The following ZNF385D variants were observed in gnomAD, a reference collection of about 807,000 sequenced individuals.
The protein encoded by ZNF385D is zinc finger protein 659.
In ZNF385D, 15 loss-of-function variants were observed where a neutral mutation model predicts 35.8. The observed-to-expected ratio is 0.42, with a 90% CI of 0.28 to 0.64. ZNF385D has a LOEUF of 0.64. Ranked by LOEUF, ZNF385D falls within the 30% of genes least tolerant of loss-of-function variation. ZNF385D has a pLI of 0.23. For missense variants in ZNF385D, 474 were observed against 494.6 expected, an observed-to-expected ratio of 0.96 and a Z score of 0.39; for synonymous variants, 212 against 186.8, an observed-to-expected ratio of 1.13 and a Z score of -1.10.
At chr3:21,551,979 T>C (rs1374880448) in intron 3 of ZNF385D, among the ~76,000 whole-genome samples, 1 of 152,142 alleles carries the variant, frequency 6.6e-6, no homozygotes, top group Non-Finnish European at 1.5e-5. Context: ...TGAAAAGAAC[T>C]ACAAACTATT....
intron 2 of ZNF385D, among the ~76,000 whole-genome samples, chr3:22,328,292 G>GTATGT: frequency 6.6e-6 from 1 of 151,430 alleles, no homozygotes; most frequent in East Asian, 1.9e-4. Context: ...AGTGAAAGCT[G>GTATGT]TATGTTACAT....
intron 2 of ZNF385D, among the ~76,000 whole-genome samples, chr3:22,223,296 G>A (rs1029748667): frequency 1.3e-5 from 2 of 151,838 alleles, no homozygotes; most frequent in African/African-American, 2.4e-5. Context: ...TCTCTATCTC[G>A]GTTGTTTGTT....
intron 3 of ZNF385D, among the ~76,000 whole-genome samples, chr3:21,920,149 C>A (rs1241368701): frequency 2.0e-5 from 3 of 152,154 alleles, no homozygotes; most frequent in East Asian, 3.9e-4. Context: ...CTATAGGTGT[C>A]CCCCAAAGAT....
chr3:22,110,573 A>G (rs1056689777), intron 3 of ZNF385D, among the ~76,000 whole-genome samples: 4 of 150,474 alleles, frequency 2.7e-5, no homozygotes, highest in East Asian at 4.0e-4. Context: ...TCACTCATAG[A>G]TGGGAATTGA....
rs1465063907 is a variant in ZNF385D at position 21,989,127 on chromosome 3, G to A, written c.325+179690C>T. 3.3e-5 allele frequency among the ~76,000 whole-genome samples: 5 copies of A among 152,218 alleles called. No individual in the cohort carries two copies. The South Asian group carries it at 8.3e-4, about 25-fold the overall frequency. On this transcript the variant is annotated intron_variant, in intron 3 of 5. Transcript: ENST00000494108. ...ATCACCCGTCTTCTGCGTCGCTCACGCTGGGAGCTGTAGACCGGAGCTGTT... is the reference window on the plus strand; with the variant it reads ...ATCACCCGTCTTCTGCGTCGCTCACACTGGGAGCTGTAGACCGGAGCTGTT...
chr3:21,941,893 GA>G (rs983043578), intron 3 of ZNF385D, among the ~76,000 whole-genome samples: 8 of 152,030 alleles, frequency 5.3e-5, no homozygotes, highest in African/African-American at 1.9e-4. Context: ...TTATTTTTTA[GA>G]AAAATTGTTC....
At chr3:22,353,465 G>A (rs970379577) in intron 2 of ZNF385D, among the ~76,000 whole-genome samples, 1 of 152,112 alleles carries the variant, frequency 6.6e-6, no homozygotes, top group Non-Finnish European at 1.5e-5. Flanking sequence ...CCAAGTACAG[G>A]AGATGTGCCC....
chr3:21,892,918 A>G (rs1698947425), intron 3 of ZNF385D, among the ~76,000 whole-genome samples: 1 of 152,168 alleles, frequency 6.6e-6, no homozygotes, highest in Non-Finnish European at 1.5e-5. Flanking sequence ...AGTAAGTGAC[A>G]TATTGTAAAA....
At chr3:21,833,182 A>G (rs1450250870) in intron 3 of ZNF385D, among the ~76,000 whole-genome samples, 1 of 152,160 alleles carries the variant, frequency 6.6e-6, no homozygotes, top group Non-Finnish European at 1.5e-5. Context: ...ATCCTGTATT[A>G]TTGAGTTTTC....
chr3:22,003,249 T>C (rs753750014), intron 3 of ZNF385D, among the ~76,000 whole-genome samples: 1 of 152,126 alleles, frequency 6.6e-6, no homozygotes, highest in African/African-American at 2.4e-5. Context: ...AAAATCAACA[T>C]ACAGAAATCA....
intron 3 of ZNF385D, among the ~76,000 whole-genome samples, chr3:21,554,287 A>G (rs891101879): frequency 6.6e-6 from 1 of 152,196 alleles, no homozygotes; most frequent in Non-Finnish European, 1.5e-5. Flanking sequence ...GAACATCTCT[A>G]TCAGAGCTCT....
At chr3:22,126,501 C>T (rs892658642) in intron 3 of ZNF385D, among the ~76,000 whole-genome samples, 7 of 151,762 alleles carry the variant, frequency 4.6e-5, no homozygotes, top group Non-Finnish European at 7.4e-5. Context: ...CAAACTTCCT[C>T]TTGTTATTGG....
In ZNF385D at chr3:21,980,192, G is replaced by A. The variant is rs541497017; in HGVS notation, c.325+188625C>T. ...CCAACAACCAACAGTAACTTTCTTG[G>A]CATGTGAATGAGCTACCTTGTAAGT... On this transcript the variant is annotated intron_variant, in intron 3 of 5. Coordinates refer to the ZNF385D transcript ENST00000494108. Among the ~76,000 whole-genome samples, 3 of 152,216 alleles carry A rather than the reference G, an allele frequency of 2.0e-5. No individual in the cohort carries two copies. In the East Asian group the frequency reaches 5.8e-4, roughly 29 times the overall value.
intron 3 of ZNF385D, among the ~76,000 whole-genome samples, chr3:22,097,807 T>G (rs1232154869): frequency 2.0e-5 from 3 of 152,054 alleles, no homozygotes; most frequent in Non-Finnish European, 4.4e-5. Flanking sequence ...GAACCACATT[T>G]CTGTCTAGAT....
intron 3 of ZNF385D, among the ~76,000 whole-genome samples, chr3:21,935,947 T>C (rs144646425): frequency 1.3e-3 from 193 of 152,264 alleles, no homozygotes; most frequent in Non-Finnish European, 2.5e-3. Context: ...ATGTTGAGTT[T>C]GAGGTGTCCT....
intron 3 of ZNF385D, among the ~76,000 whole-genome samples, chr3:21,940,694 A>G (rs151129461): frequency 1.2e-4 from 18 of 152,318 alleles, no homozygotes; most frequent in African/African-American, 2.4e-4. Flanking sequence ...GAAAAAATAA[A>G]AAGTATAAGT....
chr3:21,871,882 A>T (rs1276811800), intron 3 of ZNF385D, among the ~76,000 whole-genome samples: 1 of 151,944 alleles, frequency 6.6e-6, no homozygotes, highest in Non-Finnish European at 1.5e-5. Context: ...CTGTAATCCC[A>T]GCTACTCAGG....
At chr3:22,110,011 T>A (rs1171155423) in intron 3 of ZNF385D, among the ~76,000 whole-genome samples, 2 of 152,108 alleles carry the variant, frequency 1.3e-5, no homozygotes, top group Non-Finnish European at 2.9e-5. Context: ...AGAAGACATT[T>A]ATGCAGCCAA....
chr3:22,258,458 T>C (rs888407382), intron 2 of ZNF385D, among the ~76,000 whole-genome samples: 11 of 151,796 alleles, frequency 7.2e-5, no homozygotes, highest in African/African-American at 2.7e-4. Flanking sequence ...ATGTACTCTG[T>C]ATAATATCAT....
Sources: allele counts gnomAD v4.1 joint callset (sites outside exome capture counted in the v4.1 genomes callset), GRCh38; gene constraint gnomAD v4.1.1; transcripts MANE v1.5; gene names NCBI Gene and HGNC (gene_info 2026-07-23, HGNC 2026-07-21).